CDH10: variants seen among roughly 807,000 people sequenced by gnomAD.
CDH10 encodes the protein cadherin-10.
In CDH10, 30 loss-of-function variants were observed where a neutral mutation model predicts 73.1. The ratio of observed to expected loss-of-function variants is 0.41; its 90% CI spans 0.31 to 0.56. The LOEUF (loss-of-function observed/expected upper bound fraction) is 0.56. Ranked by LOEUF, CDH10 falls within the 20% of genes least tolerant of loss-of-function variation. CDH10 has a pLI of 0.27. For synonymous variants in CDH10, 345 were observed against 348.2 expected (o/e 0.99, Z 0.10); for missense variants, 815 against 973.7 (o/e 0.84, Z 2.17).
intron 8 of CDH10, 136 bp from the exon 9 acceptor site, chr5:24,498,655 A>G (rs1400607911): frequency 4.9e-6 from 3 of 611,714 alleles, no homozygotes; most frequent in Non-Finnish European, 8.8e-6. Flanking sequence ...TAATGAGCAA[A>G]TGCAATAAAG....
chr5:24,557,387 A>C (rs1432839282), intron 2 of CDH10, among the ~76,000 whole-genome samples: 2 of 151,644 alleles, frequency 1.3e-5, no homozygotes, highest in Admixed American at 1.3e-4. Flanking sequence ...ATTATTTCCC[A>C]TTATGTAATT....
chr5:24,615,424 G>T (rs987706492), intron 1 of CDH10, among the ~76,000 whole-genome samples: 1 of 152,082 alleles, frequency 6.6e-6, no homozygotes, highest in African/African-American at 2.4e-5. Flanking sequence ...GTATTTAACT[G>T]TTAATCATCT....
chr5:24,607,432 T>G (rs1348962053), intron 1 of CDH10, among the ~76,000 whole-genome samples: 2 of 152,176 alleles, frequency 1.3e-5, no homozygotes, highest in Non-Finnish European at 2.9e-5. Flanking sequence ...GCATTATTTA[T>G]AAGAAGGAAA....
At chr5:24,520,608 T>C (rs1273026693) in intron 5 of CDH10, among the ~76,000 whole-genome samples, 3 of 152,212 alleles carry the variant, frequency 2.0e-5, no homozygotes, top group African/African-American at 7.2e-5. Context: ...ACATGTAAAG[T>C]ATTCTTAAAA....
At chr5:24,534,439 C>T (rs1743865626) in intron 5 of CDH10, among the ~76,000 whole-genome samples, 1 of 151,990 alleles carries the variant, frequency 6.6e-6, no homozygotes. Flanking sequence ...TGTAATCTAC[C>T]AAATTTGTAC....
intron 5 of CDH10, among the ~76,000 whole-genome samples, chr5:24,530,608 T>C (rs1743705929): frequency 6.6e-6 from 1 of 152,024 alleles, no homozygotes; most frequent in Non-Finnish European, 1.5e-5. Context: ...GATTATTGAA[T>C]GTTTGGTTGG....
At chr5:24,493,572 A>T (rs990155691) in intron 9 of CDH10, among the ~76,000 whole-genome samples, 2 of 151,918 alleles carry the variant, frequency 1.3e-5, no homozygotes, top group African/African-American at 4.8e-5. Flanking sequence ...ATATATAATC[A>T]GATCACTGCT....
chr5:24,606,357 T>A (rs1247603566), intron 1 of CDH10, among the ~76,000 whole-genome samples: 1 of 152,138 alleles, frequency 6.6e-6, no homozygotes, highest in Non-Finnish European at 1.5e-5. Flanking sequence ...ACACCTGTAA[T>A]CCCAGCACTT....
chr5:24,553,464 T>C (rs1744624370), intron 2 of CDH10, among the ~76,000 whole-genome samples: 1 of 152,102 alleles, frequency 6.6e-6, no homozygotes, highest in African/African-American at 2.4e-5. Context: ...CTTTTCCCTT[T>C]AATTTCACTG....
intron 2 of CDH10, among the ~76,000 whole-genome samples, chr5:24,574,156 GA>G (rs1183756133): frequency 3.3e-5 from 5 of 152,042 alleles, no homozygotes; most frequent in Admixed American, 3.3e-4. Context: ...AAATTGCTGG[GA>G]TTACAGGCGT....
chr5:24,542,120 T>C (rs1744175452), intron 2 of CDH10, among the ~76,000 whole-genome samples: 1 of 152,134 alleles, frequency 6.6e-6, no homozygotes, highest in African/African-American at 2.4e-5. Context: ...AACATCTTTG[T>C]ATAAAATGAA....
At position 24,570,405 on chromosome 5, in the gene CDH10, G is replaced by C. The variant is rs189185991; in HGVS notation, c.231+22855C>G. On this transcript the variant is annotated intron_variant, in intron 2 of 11. Coordinates refer to ENST00000264463, the MANE Select transcript of CDH10 (RefSeq NM_006727.5). ...TGCCTAGTTCCGTTAGTGTCGGATA[G>C]AAGTGGAAGGTAAGGGCCTGGCCAT... is the stretch of plus-strand genomic sequence containing the variant. Among the ~76,000 whole-genome samples, 298 of 152,152 alleles carry C rather than the reference G, an allele frequency of 2.0e-3. 1 individual carries two copies. The highest frequency in any genetic ancestry group is 0.014 in the Middle Eastern group (4 of 294).
intron 1 of CDH10, among the ~76,000 whole-genome samples, chr5:24,639,458 T>C (rs980637910): frequency 2.0e-5 from 3 of 151,744 alleles, no homozygotes; most frequent in Non-Finnish European, 4.4e-5. Context: ...TTAATTCTTG[T>C]ATTTATACAT....
intron 2 of CDH10, among the ~76,000 whole-genome samples, chr5:24,567,145 T>C (rs1403557777): frequency 2.0e-5 from 3 of 152,062 alleles, no homozygotes; most frequent in Admixed American, 1.3e-4. Context: ...AAAACTACAT[T>C]ACACTGCTAT....
At chr5:24,545,166 A>G (rs1160161658) in intron 2 of CDH10, among the ~76,000 whole-genome samples, 4 of 152,148 alleles carry the variant, frequency 2.6e-5, no homozygotes, top group Admixed American at 2.0e-4. Context: ...CTCTTCTTAT[A>G]TTTTTGAAGA....
chr5:24,613,131 G>A (rs757264442), intron 1 of CDH10: 3 of 151,356 alleles, frequency 2.0e-5, no homozygotes, highest in East Asian at 2.0e-4. Flanking sequence ...CCTACTGAAG[G>A]TACCTCTTTC....
chr5:24,594,659 T>G (rs748464862), intron 1 of CDH10, among the ~76,000 whole-genome samples: 1 of 151,916 alleles, frequency 6.6e-6, no homozygotes, highest in Non-Finnish European at 1.5e-5. Context: ...AACCAGCAAC[T>G]TCCTACTTGT....
At chr5:24,621,411 T>G (rs1375916151) in intron 1 of CDH10, among the ~76,000 whole-genome samples, 2 of 152,180 alleles carry the variant, frequency 1.3e-5, no homozygotes, top group African/African-American at 4.8e-5. Flanking sequence ...AGTGGAAAGA[T>G]TCAGACAAGT....
chr5:24,629,460 T>G (rs930825474), intron 1 of CDH10, among the ~76,000 whole-genome samples: 1 of 152,028 alleles, frequency 6.6e-6, no homozygotes, highest in Admixed American at 6.6e-5. Context: ...ACTCATCAGG[T>G]GAAGAAAAAA....
Sources: gnomAD v4.1 joint callset for allele counts (sites outside exome capture counted in the v4.1 genomes callset) on GRCh38, gnomAD v4.1.1 for gene constraint, MANE v1.5 for transcripts, NCBI Gene and HGNC (gene_info 2026-07-23, HGNC 2026-07-21) for gene names.